ADAMTS17: variants seen among roughly 807,000 people sequenced by gnomAD.
ADAMTS17 encodes the protein A disintegrin and metalloproteinase with thrombospondin motifs 17.
A neutral mutation model predicts 141.5 loss-of-function variants in ADAMTS17; 113 were observed. The ratio of observed to expected loss-of-function variants is 0.80; its 90% CI spans 0.69 to 0.93. The LOEUF (loss-of-function observed/expected upper bound fraction) is 0.93, where lower values mean the gene tolerates loss of function less well. Among genes scored for constraint, ADAMTS17 ranks in the 40% least tolerant of loss-of-function variants. The probability of loss-of-function intolerance (pLI) is 0.00; values close to 1 mark genes in which losing one functional copy is unlikely to be tolerated. For synonymous variants in ADAMTS17, 768 were observed against 630.6 expected (o/e 1.22, Z -3.27); for missense variants, 1,659 against 1,517.9 (o/e 1.09, Z -1.54).
At chr15:100,180,803 C>T (rs1596204481) in intron 8 of ADAMTS17, among the ~76,000 whole-genome samples, 1 of 152,310 alleles carries the variant, frequency 6.6e-6, no homozygotes, top group East Asian at 1.9e-4. Context: ...CCAAGGCCTG[C>T]TGTAACCACT....
At chr15:100,336,606 A>C (rs2141979038) in intron 2 of ADAMTS17, among the ~76,000 whole-genome samples, 1 of 152,318 alleles carries the variant, frequency 6.6e-6, no homozygotes, top group East Asian at 1.9e-4. Flanking sequence ...TACCTTCCTC[A>C]GACCTGTCTC....
intron 11 of ADAMTS17, 94 bp from the exon 12 acceptor site, chr15:100,132,246 C>T (rs2038090543): frequency 1.3e-6 from 2 of 1,507,074 alleles, no homozygotes; most frequent in Non-Finnish European, 8.9e-7. Context: ...GCCAAAAACC[C>T]ATTTGCTAAA....
chr15:100,019,796 G>T (rs890419811), intron 18 of ADAMTS17, among the ~76,000 whole-genome samples: 1 of 152,204 alleles, frequency 6.6e-6, no homozygotes, highest in African/African-American at 2.4e-5. Flanking sequence ...TTCCTATCCT[G>T]AAGCAGCAGC....
chr15:100,077,343 T>G (rs1202615743), intron 15 of ADAMTS17, among the ~76,000 whole-genome samples: 1 of 129,402 alleles, frequency 7.7e-6, no homozygotes, highest in Non-Finnish European at 1.6e-5. Context: ...GTGCCTGTAA[T>G]CCCAGCTACT....
chr15:100,033,308 G>GA (rs903515207), intron 18 of ADAMTS17, among the ~76,000 whole-genome samples: 6 of 151,908 alleles, frequency 3.9e-5, no homozygotes, highest in Non-Finnish European at 8.8e-5. Context: ...GAAGGGTTTG[G>GA]AAAAAAAACT....
intron 18 of ADAMTS17, among the ~76,000 whole-genome samples, chr15:100,007,717 G>A (rs1004072615): frequency 5.9e-5 from 9 of 152,036 alleles, no homozygotes; most frequent in South Asian, 2.1e-4. Flanking sequence ...GAAGGGTGGC[G>A]CTGCTTTAGA....
At chr15:100,011,965 T>TA (rs1422361260) in intron 18 of ADAMTS17, among the ~76,000 whole-genome samples, 1 of 152,218 alleles carries the variant, frequency 6.6e-6, no homozygotes, top group East Asian at 1.9e-4. Flanking sequence ...AAGGAACCTA[T>TA]ACACTGTTTT....
chr15:100,186,004 A>T (rs1218542145), intron 8 of ADAMTS17, among the ~76,000 whole-genome samples: 1 of 152,022 alleles, frequency 6.6e-6, no homozygotes, highest in Non-Finnish European at 1.5e-5. Flanking sequence ...CACCTACGGG[A>T]CGGTCAGTTT....
At chr15:100,200,824 C>A (rs192683094) in intron 7 of ADAMTS17, among the ~76,000 whole-genome samples, 8 of 152,268 alleles carry the variant, frequency 5.3e-5, no homozygotes, top group Middle Eastern at 3.4e-3. Flanking sequence ...TCGAGCTGCA[C>A]CTGCTCTCCC....
At chr15:100,031,908 A>G (rs1195160914) in intron 18 of ADAMTS17, among the ~76,000 whole-genome samples, 19 of 152,220 alleles carry the variant, frequency 1.2e-4, no homozygotes, top group Admixed American at 1.2e-3. Flanking sequence ...TTGAGCACTG[A>G]TAAGGTCCTT....
intron 7 of ADAMTS17, among the ~76,000 whole-genome samples, chr15:100,225,876 TC>T (rs2042292597): frequency 6.8e-6 from 1 of 146,306 alleles, no homozygotes; most frequent in Admixed American, 6.8e-5. Context: ...TCTGCGCCAT[TC>T]AGTCCTTACA....
chr15:100,147,589 T>C (rs1212898878), intron 10 of ADAMTS17, among the ~76,000 whole-genome samples: 1 of 152,168 alleles, frequency 6.6e-6, no homozygotes, highest in Non-Finnish European at 1.5e-5. Flanking sequence ...AGGTTAAAAA[T>C]GGTACACCTC....
intron 7 of ADAMTS17, among the ~76,000 whole-genome samples, chr15:100,253,062 CA>C (rs1267843517): frequency 1.3e-5 from 2 of 152,034 alleles, no homozygotes; most frequent in Non-Finnish European, 2.9e-5. Flanking sequence ...AATTTCATAA[CA>C]GTATATATTT....
intron 3 of ADAMTS17, among the ~76,000 whole-genome samples, chr15:100,303,441 G>A (rs1567512487): frequency 6.6e-6 from 1 of 151,352 alleles, no homozygotes; most frequent in Non-Finnish European, 1.5e-5. Flanking sequence ...TATCCTTTAA[G>A]ACACAAAAGT....
intron 4 of ADAMTS17, among the ~76,000 whole-genome samples, chr15:100,275,263 T>C (rs2044041820): frequency 6.6e-6 from 1 of 151,984 alleles, no homozygotes; most frequent in African/African-American, 2.4e-5. Context: ...GAAAAGCAGA[T>C]GGGTCCTGGC....
At chr15:100,167,797 G>A (rs571045331) in intron 8 of ADAMTS17, among the ~76,000 whole-genome samples, 1 of 152,220 alleles carries the variant, frequency 6.6e-6, no homozygotes, top group African/African-American at 2.4e-5. Flanking sequence ...GCTCTCCTTA[G>A]GTTTTTAGAG....
intron 18 of ADAMTS17, among the ~76,000 whole-genome samples, chr15:100,028,327 C>T (rs538014378): frequency 5.3e-4 from 81 of 152,286 alleles, no homozygotes; most frequent in South Asian, 2.7e-3. Context: ...CACTCTGAAA[C>T]GGCATTCTTC....
intron 20 of ADAMTS17, chr15:99,980,300 G>C (rs1286409967): frequency 1.3e-5 from 2 of 152,170 alleles, no homozygotes; most frequent in Non-Finnish European, 2.9e-5. Flanking sequence ...CAGCTTGGGT[G>C]ATAGAGCAAG....
At position 100,047,375 on chromosome 15, in the gene ADAMTS17, A is replaced by G. The variant is rs546128324; in HGVS notation, c.2591+1482T>C. Among the ~76,000 whole-genome samples, 15 of 148,326 alleles carry G rather than the reference A, an allele frequency of 1.0e-4. No homozygotes were observed. The South Asian group carries it at 2.2e-3, about 21-fold the overall frequency. Reference sequence around the variant, plus strand: ...ACGTGATCTCTGTGACCCACACCCTATTCACACACTCCCTCCCCTTTTGAA... The same window carrying G: ...ACGTGATCTCTGTGACCCACACCCTGTTCACACACTCCCTCCCCTTTTGAA... On this transcript the variant is annotated intron_variant, in intron 18 of 21. Coordinates refer to ENST00000268070, the MANE Select transcript of ADAMTS17 (RefSeq NM_139057.4).
Sources: gnomAD v4.1 joint callset for allele counts (sites outside exome capture counted in the v4.1 genomes callset) on GRCh38, gnomAD v4.1.1 for gene constraint, MANE v1.5 for transcripts, NCBI Gene and HGNC (gene_info 2026-07-23, HGNC 2026-07-21) for gene names.